The following ARID4A variants were observed in gnomAD, a reference collection of about 807,000 sequenced individuals.
ARID4A encodes the protein AT-rich interaction domain 4A.
In ARID4A, 39 loss-of-function variants were observed where a neutral mutation model predicts 148.6. The observed-to-expected ratio is 0.26, with a 90% confidence interval of 0.20 to 0.34. ARID4A has a LOEUF of 0.34. Among genes scored for constraint, ARID4A ranks in the 10% least tolerant of loss-of-function variants. The pLI, the probability that ARID4A is intolerant of heterozygous loss-of-function variation, is 1.00. For synonymous variants in ARID4A, 475 were observed against 481.2 expected (o/e 0.99, Z 0.17); for missense variants, 1,265 against 1,449.1 (o/e 0.87, Z 2.06).
At chr14:58,316,605 A>C (rs1422695233) in intron 5 of ARID4A, among the ~76,000 whole-genome samples, 1 of 152,086 alleles carries the variant, frequency 6.6e-6, no homozygotes, top group Non-Finnish European at 1.5e-5. Context: ...TTTTAGACGA[A>C]GTTTTGCTCT....
intron 21 of ARID4A, 152 bp from the exon 22 acceptor site, chr14:58,365,872 T>G (rs936823033): frequency 3.8e-6 from 3 of 791,016 alleles, no homozygotes; most frequent in African/African-American, 1.7e-5. Flanking sequence ...TAGGTTTTTT[T>G]GTTTTTTTGT....
At chr14:58,302,830 G>A (rs952926889) in intron 3 of ARID4A, among the ~76,000 whole-genome samples, 1 of 151,790 alleles carries the variant, frequency 6.6e-6, no homozygotes, top group Non-Finnish European at 1.5e-5. Flanking sequence ...TGTGGTGGCA[G>A]GCACCTGTGG....
chr14:58,355,629 C>A (rs1020308033), intron 17 of ARID4A, among the ~76,000 whole-genome samples: 54 of 152,186 alleles, frequency 3.5e-4, no homozygotes, highest in African/African-American at 1.3e-3. Flanking sequence ...ATGCTTAGAA[C>A]CATGCCTGGC....
chr14:58,323,585 G>A lies in ARID4A; in HGVS notation c.550G>A (p.Ala184Thr), dbSNP rs755821108. The change falls in exon 8 of 24, where the codon GCA becomes ACA. Residue 184 changes from alanine to threonine, a missense_variant. Ala to Thr is a moderately conservative substitution (Grantham distance 58, BLOSUM62 0). Around this residue, in one of 9 missense-constraint regions of ARID4A, gnomAD observed 249 missense variants for 277.2 expected, o/e 0.90. Coordinates refer to ENST00000355431, the MANE Select transcript of ARID4A (RefSeq NM_002892.4). ...LLGKVVSVVS[A>T]TERTEWYPAL... Reference sequence around the variant, plus strand: ...AGGAAAAGTTGTAAGTGTGGTGTCTGCAACGGAGAGGACTGAATGGTATCC... The same window carrying A: ...AGGAAAAGTTGTAAGTGTGGTGTCTACAACGGAGAGGACTGAATGGTATCC... The A allele has an allele frequency of 6.2e-7, 1 of 1,614,040 alleles. No individual in the cohort carries two copies. The highest frequency in any genetic ancestry group is 1.3e-5 in the African/African-American group (1 of 74,940).
At chr14:58,344,520 A>T (rs547687057) in intron 11 of ARID4A, among the ~76,000 whole-genome samples, 175 bp from the exon 12 acceptor site, 2 of 152,334 alleles carry the variant, frequency 1.3e-5, no homozygotes, top group African/African-American at 4.8e-5. Context: ...AAGGGTAGAC[A>T]TTGTATATCT....
intron 5 of ARID4A, among the ~76,000 whole-genome samples, chr14:58,313,590 C>G (rs2032201101): frequency 6.6e-6 from 1 of 152,148 alleles, no homozygotes; most frequent in African/African-American, 2.4e-5. Flanking sequence ...ATTTGCTCAT[C>G]ATACTATGAG....
At chr14:58,342,573 C>T (rs1453097295) in intron 11 of ARID4A, among the ~76,000 whole-genome samples, 2 of 152,156 alleles carry the variant, frequency 1.3e-5, no homozygotes, top group African/African-American at 4.8e-5. Context: ...ATTGCTTTTA[C>T]ATATATTGAA....
chr14:58,301,008 C>T (rs952311378), intron 2 of ARID4A, among the ~76,000 whole-genome samples: 6 of 152,178 alleles, frequency 3.9e-5, no homozygotes, highest in African/African-American at 1.4e-4. Flanking sequence ...GGTATACCTA[C>T]AAGTCTGGAG....
chr14:58,320,798 G>A (rs751224772), intron 7 of ARID4A, among the ~76,000 whole-genome samples: 21 of 151,772 alleles, frequency 1.4e-4, no homozygotes, highest in Non-Finnish European at 3.1e-4. Flanking sequence ...TAGTAGAGAC[G>A]GGATTTCACT....
chr14:58,355,898 TCAG>T, intron 17 of ARID4A, among the ~76,000 whole-genome samples: 1 of 152,326 alleles, frequency 6.6e-6, no homozygotes, highest in Non-Finnish European at 1.5e-5. Context: ...ATGACTCTTC[TCAG>T]CAGTCATTTT....
chr14:58,364,439 A>G lies in ARID4A; in HGVS notation c.2350A>G (p.Lys784Glu). 1 of 1,613,324 alleles carries G rather than the reference A, an allele frequency of 6.2e-7. No individual in the cohort carries two copies. Among genetic ancestry groups the G allele is most frequent in the Non-Finnish European group, 8.5e-7 (1 of 1,179,870 alleles). The stretch of plus-strand genomic sequence containing the variant: ...AATGGAAAAAACAGAAGAAGTTAAG[A>G]AAGAAGCCGAAAAATCTCCAAAAGG... ...NKMEKTEEVKKEAEKSPKGKG... is the reference protein window; with the variant it reads ...NKMEKTEEVKEEAEKSPKGKG... Residue 784 changes from lysine to glutamate, a missense_variant, in exon 20 of 24, where the codon AAA becomes GAA. Lys to Glu is a moderately conservative substitution (Grantham distance 56). This residue lies in a region of ARID4A where 666 missense variants were observed against 730.9 expected (regional missense o/e 0.91). Coordinates refer to ENST00000355431, the MANE Select transcript of ARID4A (RefSeq NM_002892.4).
intron 5 of ARID4A, among the ~76,000 whole-genome samples, chr14:58,306,819 C>T (rs1451844374): frequency 6.6e-6 from 1 of 152,130 alleles, no homozygotes. Flanking sequence ...GCGGAGGTTG[C>T]AATGAGCCCA....
chr14:58,307,025 T>C (rs1862318880), intron 5 of ARID4A, among the ~76,000 whole-genome samples: 1 of 152,250 alleles, frequency 6.6e-6, no homozygotes, highest in South Asian at 2.1e-4. Context: ...ATAATACTTG[T>C]AAGTTAAAAC....
intron 5 of ARID4A, among the ~76,000 whole-genome samples, chr14:58,314,929 G>A (rs1332503912): frequency 6.6e-6 from 1 of 152,134 alleles, no homozygotes; most frequent in Non-Finnish European, 1.5e-5. Flanking sequence ...GACCAACCTG[G>A]TCAACATGGT....
chr14:58,345,258 AT>A (rs933773181), intron 12 of ARID4A, among the ~76,000 whole-genome samples: 75 of 152,198 alleles, frequency 4.9e-4, no homozygotes, highest in African/African-American at 1.8e-3. Context: ...GTTCATACCT[AT>A]TTTACATAGA....
At chr14:58,368,682 A>T (rs1030757922) in intron 23 of ARID4A, among the ~76,000 whole-genome samples, 2 of 151,978 alleles carry the variant, frequency 1.3e-5, no homozygotes, top group Admixed American at 6.6e-5. Flanking sequence ...TGGGTTTTTT[A>T]TTTTTTTCAG....
chr14:58,306,446 G>A (rs2031605780), intron 5 of ARID4A, among the ~76,000 whole-genome samples: 1 of 152,140 alleles, frequency 6.6e-6, no homozygotes, highest in Non-Finnish European at 1.5e-5. Flanking sequence ...TTACTGTATT[G>A]CTACATATTT....
intron 16 of ARID4A, among the ~76,000 whole-genome samples, chr14:58,351,962 G>A (rs2034659450): frequency 6.6e-6 from 1 of 152,154 alleles, no homozygotes; most frequent in Non-Finnish European, 1.5e-5. Flanking sequence ...AGGCAGTCCA[G>A]CAAGATCAAG....
rs776808842 is a variant in ARID4A, at chr14:58,318,515, TTC to T, written c.275-23_275-22del. The T allele has an allele frequency of 5.0e-6, 8 of 1,607,296 alleles. No homozygotes were observed. In the African/African-American group the frequency reaches 6.7e-5, roughly 13 times the overall value. On this transcript the variant is annotated intron_variant, in intron 5 of 23. Coordinates refer to ENST00000355431, the MANE Select transcript of ARID4A (RefSeq NM_002892.4). ...TTTTTATTTCATTAGTGTGCATAAA[TTC>T]TCTGTTATCTTTTGCTTATTATAGT... is the stretch of plus-strand genomic sequence containing the variant.
Sources: allele counts gnomAD v4.1 joint callset (sites outside exome capture counted in the v4.1 genomes callset), GRCh38; gene constraint gnomAD v4.1.1; regional missense constraint gnomAD v4.1.1; transcripts MANE v1.5; gene names NCBI Gene and HGNC (gene_info 2026-07-23, HGNC 2026-07-21).